Variants in TRDMT1 observed in about 807,000 individuals in gnomAD.
TRDMT1 encodes the protein tRNA (cytosine(38)-C(5))-methyltransferase.
In TRDMT1, 49 loss-of-function variants were observed where a neutral mutation model predicts 51.2. The ratio of observed to expected loss-of-function variants is 0.96; its 90% CI spans 0.76 to 1.21. TRDMT1 has a LOEUF of 1.21. Ranked by LOEUF, TRDMT1 falls within the 50% of genes most tolerant of loss-of-function variation. TRDMT1 has a pLI of 0.00. For synonymous variants in TRDMT1, 187 were observed against 164.6 expected (o/e 1.14, Z -1.04); for missense variants, 534 against 462.3 (o/e 1.16, Z -1.42).
rs181679082 is a variant in TRDMT1, at chr10:17,169,790, T to C, written c.175-873A>G. On this transcript the variant is annotated intron_variant, in intron 2 of 10. Transcript: ENST00000377799. Reference sequence around the variant, plus strand: ...GTCTCCATTGTATTAACAGTTTGAATGTGCTTGTCTATCAGTTTTTGATCA... The same window carrying C: ...GTCTCCATTGTATTAACAGTTTGAACGTGCTTGTCTATCAGTTTTTGATCA... Among the ~76,000 whole-genome samples, 30 of 152,332 alleles carry C rather than the reference T, an allele frequency of 2.0e-4. No individual in the cohort carries two copies. In the East Asian group the frequency reaches 3.1e-3, roughly 16 times the overall value.
At chr10:17,196,337 T>A (rs10904903) in intron 1 of TRDMT1, among the ~76,000 whole-genome samples, 63,484 of 152,172 alleles carry the variant, frequency 0.42, 15,286 homozygotes, top group South Asian at 0.57. Context: ...TATTTGACTA[T>A]ATAGAAAACA....
intron 1 of TRDMT1, among the ~76,000 whole-genome samples, chr10:17,192,304 T>C (rs547333303): frequency 6.6e-6 from 1 of 152,112 alleles, no homozygotes; most frequent in South Asian, 2.1e-4. Context: ...GTGGCAAGTT[T>C]TGGAAGGGAT....
At chr10:17,201,479 C>CACAGTGTCCGCCCG in intron 1 of TRDMT1, 92 bp downstream of exon 1, 1 of 1,372,852 alleles carries the variant, frequency 7.3e-7, no homozygotes, top group African/African-American at 1.5e-5. Flanking sequence ...GTGTCCGCCC[C>CACAGTGTCCGCCCG]TTGCGTCTCG....
chr10:17,150,560 T>A, intron 10 of TRDMT1: 1 of 985,338 alleles, frequency 1.0e-6, no homozygotes, highest in Non-Finnish European at 1.2e-6. Context: ...TAATGTTAGT[T>A]ATAATGGCAG....
intron 2 of TRDMT1, chr10:17,171,906 A>T (rs867095735): frequency 6.1e-6 from 1 of 164,424 alleles, no homozygotes; most frequent in South Asian, 2.1e-4. Flanking sequence ...AAAAATTTTT[A>T]TCTATTTTTA....
chr10:17,144,564 T>C lies in TRDMT1; in HGVS notation c.*4476A>G, dbSNP rs1029108638. 3.0e-5 allele frequency: 30 copies of C among 985,578 alleles called. No homozygotes were observed. Among genetic ancestry groups the C allele is most frequent in the South Asian group, 4.7e-5 (1 of 21,292 alleles). 61.1% of individuals were successfully genotyped at this position (985,578 alleles called of 1,614,324 possible). The stretch of plus-strand genomic sequence containing the variant: ...GGCTGAAAGTAAGACTCAGAATCTA[T>C]GGTAAATATAAAGCCAATGTATATG... On this transcript the variant is annotated 3_prime_UTR_variant, in exon 11 of 11. Transcript: ENST00000377799.
chr10:17,165,914 C>T (rs1022749154), intron 3 of TRDMT1, among the ~76,000 whole-genome samples: 7 of 152,162 alleles, frequency 4.6e-5, no homozygotes, highest in Non-Finnish European at 1.0e-4. Flanking sequence ...CACTTTTACA[C>T]TGTTGGTGGG....
At chr10:17,153,764 G>T in intron 9 of TRDMT1, 128 bp from the exon 10 acceptor site, 1 of 891,200 alleles carries the variant, frequency 1.1e-6, no homozygotes, top group Non-Finnish European at 1.7e-6. Flanking sequence ...AGTGCACAGG[G>T]CAAAATGGCT....
chr10:17,150,360 A>G, intron 10 of TRDMT1: 1 of 982,444 alleles, frequency 1.0e-6, no homozygotes, highest in Non-Finnish European at 1.2e-6. Flanking sequence ...AGAGTCCTTT[A>G]CCTATTCTGG....
intron 2 of TRDMT1, among the ~76,000 whole-genome samples, chr10:17,173,048 T>G (rs1842223833): frequency 6.6e-6 from 1 of 152,170 alleles, no homozygotes; most frequent in Non-Finnish European, 1.5e-5. Flanking sequence ...TATGACTAAT[T>G]GTCTTTAAAA....
In TRDMT1 at chr10:17,141,913, T is replaced by G. The variant is rs1377223384; in HGVS notation, c.*7127A>C. 6.6e-6 allele frequency among the ~76,000 whole-genome samples: 1 copy of G among 152,260 alleles called. No homozygotes were observed. Among genetic ancestry groups the G allele is most frequent in the Non-Finnish European group, 1.5e-5 (1 of 68,048 alleles). ...ATGTCCAGGATCTAATCAAATTATC[T>G]GTTACCACAGAATGTTTTCTATTTT... On this transcript the variant is annotated 3_prime_UTR_variant, in exon 11 of 11. Transcript: ENST00000377799.
chr10:17,186,639 T>G (rs1843968840), intron 1 of TRDMT1, among the ~76,000 whole-genome samples: 2 of 152,144 alleles, frequency 1.3e-5, no homozygotes, highest in African/African-American at 4.8e-5. Flanking sequence ...TGTGTTGCTT[T>G]AAGCTACTAA....
rs866848081 is a variant in TRDMT1, at chr10:17,153,898, A to G, written c.946-262T>C. On this transcript the variant is annotated intron_variant, in intron 9 of 10. Coordinates refer to ENST00000377799, the MANE Select transcript of TRDMT1 (RefSeq NM_004412.7). Reference sequence around the variant, plus strand: ...CTGTCATTTTTGAGCCCTTAAAATCATAAGAGTATAAACAATAAATGACAA... The same window carrying G: ...CTGTCATTTTTGAGCCCTTAAAATCGTAAGAGTATAAACAATAAATGACAA... Among the ~76,000 whole-genome samples, 8 of 152,358 alleles carry G rather than the reference A, an allele frequency of 5.3e-5. No individual in the cohort carries two copies. The Middle Eastern group carries it at 0.01, about 194-fold the overall frequency.
At chr10:17,173,920 A>G (rs1419575774) in intron 2 of TRDMT1, among the ~76,000 whole-genome samples, 1 of 152,060 alleles carries the variant, frequency 6.6e-6, no homozygotes, top group East Asian at 1.9e-4. Flanking sequence ...ATGTGCCAAC[A>G]CACCTGGCTA....
rs1157911758 is a variant in TRDMT1, at chr10:17,158,309, T to C, written c.544-525A>G. Among the ~76,000 whole-genome samples, 5 of 152,262 alleles carry C rather than the reference T, an allele frequency of 3.3e-5. 1 individual carries two copies. The highest frequency in any genetic ancestry group is 3.9e-4 in the East Asian group (2 of 5,192). Reference sequence around the variant, plus strand: ...CTTGTTTCTGCAAAACATACAACCATGTATAAAGTCCTATTTTGTAAAAGG... The same window carrying C: ...CTTGTTTCTGCAAAACATACAACCACGTATAAAGTCCTATTTTGTAAAAGG... On this transcript the variant is annotated intron_variant, in intron 7 of 10. Transcript: ENST00000377799.
intron 1 of TRDMT1, among the ~76,000 whole-genome samples, chr10:17,181,033 A>C (rs1323632813): frequency 6.6e-6 from 1 of 152,154 alleles, no homozygotes; most frequent in Non-Finnish European, 1.5e-5. Context: ...TGCATATCCC[A>C]ACATTTATTT....
intron 3 of TRDMT1, among the ~76,000 whole-genome samples, chr10:17,163,138 T>C (rs964949287): frequency 2.0e-5 from 3 of 152,210 alleles, no homozygotes; most frequent in Non-Finnish European, 2.9e-5. Flanking sequence ...GTCTAGATTC[T>C]ATAAGCAGGA....
intron 1 of TRDMT1, among the ~76,000 whole-genome samples, chr10:17,193,335 C>CT (rs138049733): frequency 0.28 from 43,210 of 151,930 alleles, 6,363 homozygotes; most frequent in Middle Eastern, 0.38. Flanking sequence ...TGCACTCCAC[C>CT]CTGGGTGACA....
rs752843711 is a variant in TRDMT1 at position 17,145,553 on chromosome 10, A to G, written c.*3487T>C. The stretch of plus-strand genomic sequence containing the variant: ...CAAAGTCCAAAGCTATTAGTAAGTC[A>G]GTGTCATAACTGGTGGCCTAAAACA... On this transcript the variant is annotated 3_prime_UTR_variant, in exon 11 of 11. Coordinates refer to ENST00000377799, the MANE Select transcript of TRDMT1 (RefSeq NM_004412.7). The G allele has an allele frequency of 1.1e-4, 105 of 985,374 alleles. No individual in the cohort carries two copies. The highest frequency in any genetic ancestry group is 1.2e-4 in the Non-Finnish European group (103 of 829,952). 61.0% of individuals were successfully genotyped at this position (985,374 alleles called of 1,614,324 possible). A position where few individuals can be genotyped will look rare whatever the true frequency, so the allele number is the denominator to read the frequency against.
Sources: allele counts gnomAD v4.1 joint callset (sites outside exome capture counted in the v4.1 genomes callset), GRCh38; gene constraint gnomAD v4.1.1; transcripts MANE v1.5; gene names NCBI Gene and HGNC (gene_info 2026-07-23, HGNC 2026-07-21).